SRCIN1: variants seen among roughly 807,000 people sequenced by gnomAD.
SRCIN1 encodes SRC kinase signaling inhibitor 1, also known as P130Cas-associated protein.
In SRCIN1, 50 loss-of-function variants were observed where a neutral mutation model predicts 116.2. The observed-to-expected ratio is 0.43, with a 90% CI of 0.34 to 0.54. The LOEUF is 0.54. SRCIN1 is among the 20% of genes least tolerant of loss of function. The pLI, the probability that SRCIN1 is intolerant of heterozygous loss-of-function variation, is 0.02. For synonymous variants in SRCIN1, 736 were observed against 750.0 expected (o/e 0.98, Z 0.30); for missense variants, 1,446 against 1,672.0 (o/e 0.86, Z 2.36).
At chr17:38,541,823 G>C (rs1441931997) in intron 18 of SRCIN1, 1 of 152,470 alleles carries the variant, frequency 6.6e-6, no homozygotes, top group Non-Finnish European at 1.5e-5. Flanking sequence ...GTGGTAATTA[G>C]CCTGTAGTCT....
chr17:38,560,559 G>C (rs1403825268), intron 7 of SRCIN1, 134 bp from the exon 8 acceptor site: 3 of 704,778 alleles, frequency 4.3e-6, no homozygotes, highest in Non-Finnish European at 7.3e-6. Context: ...ACAACGCAAA[G>C]GGCCCCAATG....
In SRCIN1 at chr17:38,551,379, C is replaced by T. The variant is rs777709629; in HGVS notation, c.2738G>A (p.Arg913Gln). The change falls in exon 15 of 19, where the codon CGA becomes CAA. Residue 913 changes from arginine to glutamine, a missense_variant. This residue lies in a region of SRCIN1 where 531 missense variants were observed against 633.9 expected (regional missense o/e 0.84). Transcript: ENST00000617146. ...DKAVSVEAAE[R>Q]DWEEKRAALT... ...GGCTGCCCGCTTCTCCTCCCAGTCT[C>T]GCTCTGCAGCCTTAACAGGGAGCCA... 2.5e-5 allele frequency: 40 copies of T among 1,609,726 alleles called. No homozygotes were observed. The highest frequency in any genetic ancestry group is 1.7e-4 in the Middle Eastern group (1 of 6,058).
chr17:38,578,869 C>A (rs969322268), intron 1 of SRCIN1, 78 bp from the exon 2 acceptor site: 2 of 1,408,252 alleles, frequency 1.4e-6, no homozygotes, highest in Non-Finnish European at 1.9e-6. Context: ...GGGGTCCCTG[C>A]GGGAAGGGGC....
At chr17:38,551,613 T>C (rs1905416377) in intron 14 of SRCIN1, 4 of 647,964 alleles carry the variant, frequency 6.2e-6, no homozygotes, top group Non-Finnish European at 1.1e-5. Context: ...TAAACTTAGA[T>C]CTATTTCTGG....
rs891385995 is a variant in SRCIN1, at chr17:38,532,382, T to A, written c.*915A>T. 1.3e-5 allele frequency: 2 copies of A among 152,220 alleles called. No homozygotes were observed. The highest frequency in any genetic ancestry group is 4.2e-4 in the South Asian group (2 of 4,808). The allele number at this position is 152,220 out of a possible 1,614,324, so 9.4% of individuals were successfully genotyped here. ...AGGCCCCTCACTCTTGCCCACCCCA[T>A]CCCCATTCAATAAGTTAATGCCATT... is the stretch of plus-strand genomic sequence containing the variant. On this transcript the variant is annotated 3_prime_UTR_variant, in exon 19 of 19. Coordinates refer to ENST00000617146, the MANE Select transcript of SRCIN1 (RefSeq NM_025248.3). The surrounding 1 kb of genome is among the most constrained non-coding windows in gnomAD (Gnocchi z 4.3).
intron 1 of SRCIN1, among the ~76,000 whole-genome samples, chr17:38,589,439 T>G (rs1377358228): frequency 6.6e-6 from 1 of 152,162 alleles, no homozygotes; most frequent in Admixed American, 6.5e-5. Context: ...GACTTGCCCA[T>G]CCTGAGTCCC....
rs1905983920 is a variant in SRCIN1, at chr17:38,558,714, G to A, written c.2026-312C>T. 1.3e-5 allele frequency among the ~76,000 whole-genome samples: 2 copies of A among 152,152 alleles called. No individual in the cohort carries two copies. Among genetic ancestry groups the A allele is most frequent in the Admixed American group, 1.3e-4 (2 of 15,288 alleles). The stretch of plus-strand genomic sequence containing the variant: ...GGGGGAGCTGCATGGCTGTGGCCGC[G>A]AGCAGGGGTGGTATTGCAGGGGGAG... On this transcript the variant is annotated intron_variant, in intron 10 of 18. Transcript: ENST00000617146. This position sits in a 1 kb window ranked among gnomAD's most constrained non-coding sequence, Gnocchi z 4.6.
Position 38,563,521 on chromosome 17 carries a change from C to G in SRCIN1, c.542G>C (p.Gly181Ala). 6.5e-7 allele frequency: 1 copy of G among 1,548,914 alleles called. No individual in the cohort carries two copies. Among genetic ancestry groups the G allele is most frequent in the Non-Finnish European group, 8.7e-7 (1 of 1,147,190 alleles). The change falls in exon 5 of 19, where the codon GGG becomes GCG. Residue 181 changes from glycine to alanine, a missense_variant and splice_region_variant. Around this residue, in one of 5 missense-constraint regions of SRCIN1, gnomAD observed 246 missense variants for 265.1 expected, o/e 0.93. Transcript: ENST00000617146. The surrounding 1 kb of genome is among the most constrained non-coding windows in gnomAD (Gnocchi z 5.8). ...SASQTKLRSPGVLFLQFGEET... is the reference protein window; with the variant it reads ...SASQTKLRSPAVLFLQFGEET... ...CTCCCCGAACTGCAGGAACAGCACCCCTGCGAAGGAGACGCCGCCCTCGCT... is the reference window on the plus strand; with the variant it reads ...CTCCCCGAACTGCAGGAACAGCACCGCTGCGAAGGAGACGCCGCCCTCGCT...
At chr17:38,588,676 T>C (rs1275022290) in intron 1 of SRCIN1, among the ~76,000 whole-genome samples, 1 of 152,176 alleles carries the variant, frequency 6.6e-6, no homozygotes, top group Non-Finnish European at 1.5e-5. Flanking sequence ...TGCAGCTGCC[T>C]CAGGCTGAAA....
Position 38,562,098 on chromosome 17 carries a change from G to T in SRCIN1, c.1065C>A (p.Ala355=). 1.4e-6 allele frequency: 2 copies of T among 1,435,892 alleles called. No homozygotes were observed. The highest frequency in any genetic ancestry group is 1.8e-6 in the Non-Finnish European group (2 of 1,100,842). The allele number at this position is 1,435,892 out of a possible 1,614,324, so 88.9% of individuals were successfully genotyped here. A position where few individuals can be genotyped will look rare whatever the true frequency, so the allele number is the denominator to read the frequency against. The stretch of plus-strand genomic sequence containing the variant: ...TGGGGCTGACGCCCTGGGCGGCCGG[G>T]GCGCCTCCCAGCCTCTCGGCCGCGT... ...VHHAAERLGG[A]PAAQGVSPSP... Residue 355 remains alanine, a synonymous_variant, in exon 7 of 19, where the codon GCC becomes GCA. Transcript: ENST00000617146. This position sits in a 1 kb window ranked among gnomAD's most constrained non-coding sequence, Gnocchi z 4.2.
chr17:38,605,619 G>A, intron 1 of SRCIN1, 65 bp downstream of exon 1: 1 of 1,225,570 alleles, frequency 8.2e-7, no homozygotes, highest in Non-Finnish European at 1.1e-6. Flanking sequence ...AACACACAAA[G>A]AAAACAGAAA....
At chr17:38,561,427 A>ACC in intron 7 of SRCIN1, 36 bp downstream of exon 7, 4 of 1,466,146 alleles carry the variant, frequency 2.7e-6, no homozygotes, top group Non-Finnish European at 3.6e-6. Flanking sequence ...CGCACCCCCC[A>ACC]CCCCCAGTCC....
In SRCIN1 at chr17:38,568,053, G is replaced by A. The variant is rs2143245167; in HGVS notation, c.345+158C>T. Among the ~76,000 whole-genome samples the A allele has an allele frequency of 6.6e-6, 1 of 152,312 alleles. No homozygotes were observed. Among genetic ancestry groups the A allele is most frequent in the East Asian group, 1.9e-4 (1 of 5,178 alleles). ...ACAGGCGAACCCAGACTCTCCCAAA[G>A]CAGCAGCCACAGCCTGCAGCCCCGA... is the stretch of plus-strand genomic sequence containing the variant. On this transcript the variant is annotated intron_variant, in intron 3 of 18. Transcript: ENST00000617146. The surrounding 1 kb of genome is among the most constrained non-coding windows in gnomAD (Gnocchi z 4.5).
chr17:38,558,092 A>C lies in SRCIN1; in HGVS notation c.2201+135T>G. 1 of 973,770 alleles carries C rather than the reference A, an allele frequency of 1.0e-6. No homozygotes were observed. Among genetic ancestry groups the C allele is most frequent in the Middle Eastern group, 2.2e-4 (1 of 4,450 alleles). The allele number at this position is 973,770 out of a possible 1,614,324, so 60.3% of individuals were successfully genotyped here. ...CACAGTGAAATCAGGCCAGAGGAGA[A>C]TGAAATCAGGCTTCAGAACAGACCA... is the stretch of plus-strand genomic sequence containing the variant. On this transcript the variant is annotated intron_variant, in intron 11 of 18. Transcript: ENST00000617146. The surrounding 1 kb of genome is among the most constrained non-coding windows in gnomAD (Gnocchi z 4.6).
chr17:38,605,578 G>A, intron 1 of SRCIN1, 106 bp downstream of exon 1: 2 of 925,710 alleles, frequency 2.2e-6, no homozygotes, highest in Non-Finnish European at 2.9e-6. Context: ...CCCCGGCCCG[G>A]CCGCCGCCCC....
rs2143279354 is a variant in SRCIN1, at chr17:38,572,737, C to G, written c.325-4506G>C. 1 of 152,882 alleles carries G rather than the reference C, an allele frequency of 6.5e-6. No individual in the cohort carries two copies. Among genetic ancestry groups the G allele is most frequent in the African/African-American group, 2.4e-5 (1 of 41,516 alleles). 9.5% of individuals were successfully genotyped at this position (152,882 alleles called of 1,614,324 possible). On this transcript the variant is annotated intron_variant, in intron 2 of 18. Transcript: ENST00000617146. The surrounding 1 kb of genome is among the most constrained non-coding windows in gnomAD (Gnocchi z 4.3). ...GCGTCCGGCTGGGGAGGGAGGGCCC[C>G]TACTCCCACCCGCCCGGGCTCTTCT...
intron 2 of SRCIN1, among the ~76,000 whole-genome samples, chr17:38,570,136 C>A (rs1245479176): frequency 1.3e-5 from 2 of 152,186 alleles, no homozygotes; most frequent in Non-Finnish European, 2.9e-5. Context: ...TCCACAGACA[C>A]ACCCAGAGCG....
chr17:38,571,102 G>A (rs930176486), intron 2 of SRCIN1, among the ~76,000 whole-genome samples: 2 of 152,168 alleles, frequency 1.3e-5, no homozygotes, highest in South Asian at 2.1e-4. Context: ...GGAGGCCTCT[G>A]GGGATATCAT....
Position 38,572,019 on chromosome 17 carries a change from G to A in SRCIN1, c.325-3788C>T, listed in dbSNP as rs917494905. Among the ~76,000 whole-genome samples, 15 of 152,112 alleles carry A rather than the reference G, an allele frequency of 9.9e-5. No individual in the cohort carries two copies. Among genetic ancestry groups the A allele is most frequent in the Admixed American group, 5.2e-4 (8 of 15,286 alleles). On this transcript the variant is annotated intron_variant, in intron 2 of 18. Coordinates refer to ENST00000617146, the MANE Select transcript of SRCIN1 (RefSeq NM_025248.3). The surrounding 1 kb of genome is among the most constrained non-coding windows in gnomAD (Gnocchi z 4.3). ...CCCCTGGGGAGGCTTGGCCCAGCCA[G>A]CTGAGGTCTCTTTCCTCCCCTGGGC...
Sources: allele counts gnomAD v4.1 joint callset (sites outside exome capture counted in the v4.1 genomes callset), GRCh38; gene constraint gnomAD v4.1.1; regional missense constraint gnomAD v4.1.1; non-coding constraint Gnocchi (gnomAD v3.1); transcripts MANE v1.5; gene names NCBI Gene and HGNC (gene_info 2026-07-23, HGNC 2026-07-21).